Variants in SGMS1 observed in about 807,000 individuals in gnomAD.
SGMS1 encodes the protein phosphatidylcholine:ceramide cholinephosphotransferase 1.
In SGMS1, 13 loss-of-function variants were observed where a neutral mutation model predicts 46.2. The observed-to-expected ratio is 0.28, with a 90% CI of 0.18 to 0.45. SGMS1 has a LOEUF of 0.45. Ranked by LOEUF, SGMS1 falls within the 20% of genes least tolerant of loss-of-function variation. The probability of loss-of-function intolerance (pLI) is 1.00; values close to 1 mark genes in which losing one functional copy is unlikely to be tolerated. For synonymous variants in SGMS1, 203 were observed against 187.8 expected, an observed-to-expected ratio of 1.08 and a Z score of -0.66; for missense variants, 324 against 519.9, an observed-to-expected ratio of 0.62 and a Z score of 3.66.
At chr10:50,318,001 A>G (rs1175045230) in intron 8 of SGMS1, among the ~76,000 whole-genome samples, 1 of 151,926 alleles carries the variant, frequency 6.6e-6, no homozygotes, top group African/African-American at 2.4e-5. Flanking sequence ...ACAGGGTTTC[A>G]CTGTGTTGCC....
chr10:50,504,381 AG>A (rs1297614302), intron 3 of SGMS1, among the ~76,000 whole-genome samples: 3 of 152,224 alleles, frequency 2.0e-5, no homozygotes, highest in Non-Finnish European at 4.4e-5. Flanking sequence ...AGCTTTCTCA[AG>A]ATAGTTCCTA....
At chr10:50,370,145 G>A (rs1848411947) in intron 6 of SGMS1, among the ~76,000 whole-genome samples, 1 of 152,182 alleles carries the variant, frequency 6.6e-6, no homozygotes, top group Non-Finnish European at 1.5e-5. Flanking sequence ...GGGTGAGTAT[G>A]AAGGCCTAGG....
chr10:50,448,304 T>C (rs917745750), intron 5 of SGMS1, among the ~76,000 whole-genome samples: 4 of 152,140 alleles, frequency 2.6e-5, no homozygotes, highest in Non-Finnish European at 5.9e-5. Flanking sequence ...GAAGAGTATA[T>C]TTTTTAACAT....
chr10:50,560,027 T>A (rs970306392), intron 2 of SGMS1, among the ~76,000 whole-genome samples: 1 of 149,286 alleles, frequency 6.7e-6, no homozygotes, highest in Non-Finnish European at 1.5e-5. Context: ...TGCATACACG[T>A]GTATACACAC....
Position 50,574,963 on chromosome 10 carries a change from G to GTATATATATATATATATATATATATATA in SGMS1, c.-589+15189_-589+15190insTATATATATATATATATATATATATATA, listed in dbSNP as rs143713324. On this transcript the variant is annotated intron_variant, in intron 2 of 10. Coordinates refer to ENST00000361781, the MANE Select transcript of SGMS1 (RefSeq NM_147156.4). ...AAACATTTTAAAAGGAAAATGTGGT[G>GTATATATATATATATATATATATATATA]TATATATATATATATATATATAAAA... 2.8e-3 allele frequency among the ~76,000 whole-genome samples: 282 copies of GTATATATATATATATATATATATATATA among 99,650 alleles called. 4 individuals carry two copies. The highest frequency in any genetic ancestry group is 4.6e-3 in the Non-Finnish European group (207 of 44,594). The allele number at this position is 99,650 out of a possible 152,430, so 65.4% of individuals were successfully genotyped here. A position where few individuals can be genotyped will look rare whatever the true frequency, so the allele number is the denominator to read the frequency against.
chr10:50,553,350 G>A (rs2024872), intron 2 of SGMS1, among the ~76,000 whole-genome samples: 24,247 of 152,078 alleles, frequency 0.16, 2,365 homozygotes, highest in East Asian at 0.28. Context: ...CAGCTACTTC[G>A]TCTGTAAGAT....
chr10:50,501,038 A>G (rs1452569695), intron 3 of SGMS1, among the ~76,000 whole-genome samples: 1 of 152,228 alleles, frequency 6.6e-6, no homozygotes, highest in Non-Finnish European at 1.5e-5. Context: ...CATTATGAGT[A>G]TCTATCAACC....
chr10:50,530,482 G>A (rs1373727594), intron 2 of SGMS1, among the ~76,000 whole-genome samples: 1 of 152,172 alleles, frequency 6.6e-6, no homozygotes, highest in Non-Finnish European at 1.5e-5. Flanking sequence ...GTACTGAGAA[G>A]CAGAATCTTC....
intron 1 of SGMS1, among the ~76,000 whole-genome samples, chr10:50,601,169 T>C (rs1454507128): frequency 6.6e-6 from 1 of 152,112 alleles, no homozygotes; most frequent in Non-Finnish European, 1.5e-5. Context: ...GAGAATGAGC[T>C]AATAAAAAGA....
At chr10:50,456,239 T>C (rs1880071) in intron 5 of SGMS1, among the ~76,000 whole-genome samples, 12,624 of 150,944 alleles carry the variant, frequency 0.084, 1,253 homozygotes, top group East Asian at 0.38. Flanking sequence ...ATAAAACATA[T>C]AAAGGCAGAG....
chr10:50,504,006 T>A (rs2133761544), intron 3 of SGMS1, among the ~76,000 whole-genome samples: 1 of 152,358 alleles, frequency 6.6e-6, no homozygotes, highest in South Asian at 2.1e-4. Context: ...TGGCTACACA[T>A]CCTCTCGTGT....
chr10:50,561,833 C>G (rs1446387460), intron 2 of SGMS1, among the ~76,000 whole-genome samples: 1 of 152,176 alleles, frequency 6.6e-6, no homozygotes, highest in Non-Finnish European at 1.5e-5. Context: ...GGCTCACCAG[C>G]TGATCTCTAC....
chr10:50,409,292 A>G (rs1849065085), intron 6 of SGMS1, among the ~76,000 whole-genome samples: 1 of 152,206 alleles, frequency 6.6e-6, no homozygotes, highest in Admixed American at 6.5e-5. Context: ...TATACAATAC[A>G]TTGTTGTTAA....
intron 8 of SGMS1, among the ~76,000 whole-genome samples, chr10:50,321,850 T>A (rs1475320387): frequency 6.6e-6 from 1 of 152,128 alleles, no homozygotes; most frequent in Non-Finnish European, 1.5e-5. Flanking sequence ...GAGCAATGAG[T>A]CTGTTGCCTT....
chr10:50,452,235 C>T (rs1157631691), intron 5 of SGMS1, among the ~76,000 whole-genome samples: 1 of 152,068 alleles, frequency 6.6e-6, no homozygotes, highest in Non-Finnish European at 1.5e-5. Flanking sequence ...ATCTCCAAGA[C>T]ATCAAAGTCT....
At chr10:50,407,411 A>G (rs1185030693) in intron 6 of SGMS1, among the ~76,000 whole-genome samples, 1 of 152,212 alleles carries the variant, frequency 6.6e-6, no homozygotes, top group African/African-American at 2.4e-5. Flanking sequence ...ATTTCTGTAT[A>G]AGAATTCTGT....
chr10:50,576,284 T>C (rs1272133771), intron 2 of SGMS1, among the ~76,000 whole-genome samples: 1 of 152,062 alleles, frequency 6.6e-6, no homozygotes, highest in Non-Finnish European at 1.5e-5. Context: ...AGTAAATCTC[T>C]CAGAGAATGT....
intron 1 of SGMS1, among the ~76,000 whole-genome samples, chr10:50,614,744 G>A (rs1185803844): frequency 2.0e-5 from 3 of 152,194 alleles, no homozygotes; most frequent in Non-Finnish European, 2.9e-5. Flanking sequence ...GTATTACAAC[G>A]CTTTATGTAA....
At chr10:50,486,114 C>T (rs546411882) in intron 3 of SGMS1, among the ~76,000 whole-genome samples, 1 of 152,006 alleles carries the variant, frequency 6.6e-6, no homozygotes, top group African/African-American at 2.4e-5. Context: ...CTGAGATAGC[C>T]ATATATAGAA....
Sources: gnomAD v4.1 joint callset for allele counts (sites outside exome capture counted in the v4.1 genomes callset) on GRCh38, gnomAD v4.1.1 for gene constraint, MANE v1.5 for transcripts, NCBI Gene and HGNC (gene_info 2026-07-23, HGNC 2026-07-21) for gene names.